The following NFIB variants were observed in gnomAD, a reference collection of about 807,000 sequenced individuals.
The protein encoded by NFIB is nuclear factor I B.
NFIB carries 11 observed loss-of-function variants against 61.5 expected under a neutral mutation model. The observed-to-expected ratio is 0.18, with a 90% CI of 0.11 to 0.30. NFIB has a LOEUF of 0.30. NFIB is among the 10% of genes least tolerant of loss of function. NFIB has a pLI of 1.00. For missense variants in NFIB, 471 were observed against 608.9 expected (o/e 0.77, Z 2.38); for synonymous variants, 260 against 216.5 (o/e 1.20, Z -1.76).
chr9:14,322,740 G>C (rs1264243084), intron 1 of NFIB, among the ~76,000 whole-genome samples: 2 of 151,806 alleles, frequency 1.3e-5, no homozygotes, highest in African/African-American at 4.9e-5. Context: ...GAGCGGGCCC[G>C]AGTGGGTGTG....
the NFIB span, among the ~76,000 whole-genome samples, chr9:14,447,107 T>C: frequency 6.6e-6 from 1 of 152,310 alleles, no homozygotes; most frequent in South Asian, 2.1e-4. Context: ...ATAGGTTCAA[T>C]GTAGTTCTTT....
In NFIB at chr9:14,246,316, C is replaced by A. The variant is rs563449191; in HGVS notation, c.562+60673G>T. 2.0e-5 allele frequency among the ~76,000 whole-genome samples: 3 copies of A among 152,278 alleles called. No individual in the cohort carries two copies. The South Asian group carries it at 6.2e-4, about 32-fold the overall frequency. ...CCGACCCATTAGATGGGAGGAAGCT[C>A]CCACTGCTCTCCACATCCCTTTGTC... On this transcript the variant is annotated intron_variant, in intron 2 of 10. Transcript: ENST00000380953.
At chr9:14,415,410 G>A in the NFIB span, among the ~76,000 whole-genome samples, 3 of 152,162 alleles carry the variant, frequency 2.0e-5, no homozygotes. Context: ...ATAATCACAT[G>A]AATGACATCC....
chr9:14,250,314 C>T (rs1305963185), intron 2 of NFIB, among the ~76,000 whole-genome samples: 1 of 151,990 alleles, frequency 6.6e-6, no homozygotes, highest in African/African-American at 2.4e-5. Context: ...AATAATGTCC[C>T]CAGGTAGCTA....
At chr9:14,242,466 G>A (rs1563937029) in intron 2 of NFIB, among the ~76,000 whole-genome samples, 1 of 152,128 alleles carries the variant, frequency 6.6e-6, no homozygotes, top group Non-Finnish European at 1.5e-5. Flanking sequence ...CTCTCCCCTT[G>A]TTCTATACAT....
intron 2 of NFIB, among the ~76,000 whole-genome samples, chr9:14,218,688 T>C (rs1411436147): frequency 6.6e-6 from 1 of 152,196 alleles, no homozygotes; most frequent in Non-Finnish European, 1.5e-5. Flanking sequence ...CCAGATTTGG[T>C]TGGGGGTTTG....
At chr9:14,343,102 T>G (rs1247946504) in intron 1 of NFIB, among the ~76,000 whole-genome samples, 1 of 152,202 alleles carries the variant, frequency 6.6e-6, no homozygotes, top group African/African-American at 2.4e-5. Flanking sequence ...GCCAACCCTG[T>G]ACCACCTGAC....
intron 1 of NFIB, among the ~76,000 whole-genome samples, chr9:14,312,700 A>T (rs1055058483): frequency 6.6e-6 from 1 of 152,170 alleles, no homozygotes; most frequent in East Asian, 1.9e-4. Flanking sequence ...GACAATTCTC[A>T]AAGTCGAAAA....
chr9:14,271,926 G>A (rs1389818516), intron 2 of NFIB, among the ~76,000 whole-genome samples: 2 of 152,038 alleles, frequency 1.3e-5, no homozygotes, highest in Non-Finnish European at 2.9e-5. Context: ...TATTTTAAGG[G>A]TGCTAATAAC....
chr9:14,262,794 GTTTT>G (rs1168581874), intron 2 of NFIB, among the ~76,000 whole-genome samples: 2 of 151,488 alleles, frequency 1.3e-5, no homozygotes, highest in Admixed American at 1.3e-4. Context: ...TTGTTTGTTT[GTTTT>G]TTGTTGTTGT....
intron 3 of NFIB, among the ~76,000 whole-genome samples, chr9:14,174,788 G>C (rs2045972279): frequency 6.7e-6 from 1 of 148,792 alleles, no homozygotes; most frequent in African/African-American, 2.5e-5. Flanking sequence ...AAAAAAAAGT[G>C]AATGAAATAT....
Position 14,108,006 on chromosome 9 carries a change from C to T in NFIB, c.1467+4993G>A, listed in dbSNP as rs73409972. On this transcript the variant is annotated intron_variant, in intron 10 of 10. Transcript: ENST00000380953. ...GGTAAGTGAACAAACCAGGGAATGA[C>T]AAAAGACAGACAATGGAAGGATTTT... Among the ~76,000 whole-genome samples, 575 of 152,170 alleles carry T rather than the reference C, an allele frequency of 3.8e-3. 2 individuals carry two copies. The highest frequency in any genetic ancestry group is 0.013 in the African/African-American group (547 of 41,530).
the NFIB span, among the ~76,000 whole-genome samples, chr9:14,488,309 G>A: frequency 6.6e-6 from 1 of 151,094 alleles, no homozygotes; most frequent in South Asian, 2.1e-4. Flanking sequence ...GCTTCGGTGA[G>A]CCATGATCAC....
the NFIB span, among the ~76,000 whole-genome samples, chr9:14,529,940 G>A: frequency 6.6e-6 from 1 of 152,134 alleles, no homozygotes; most frequent in Admixed American, 6.6e-5. Flanking sequence ...AATATTCACA[G>A]CCTACTTCTC....
At chr9:14,157,476 C>T (rs1216799480) in intron 3 of NFIB, among the ~76,000 whole-genome samples, 2 of 152,172 alleles carry the variant, frequency 1.3e-5, no homozygotes, top group African/African-American at 4.8e-5. Flanking sequence ...GGGAATAAAA[C>T]AGGTGCCACA....
intron 2 of NFIB, among the ~76,000 whole-genome samples, chr9:14,235,337 C>T (rs2053636017): frequency 6.6e-6 from 1 of 152,198 alleles, no homozygotes; most frequent in Non-Finnish European, 1.5e-5. Flanking sequence ...TTGCCAGCCC[C>T]GACCTTGTTC....
rs190829189 is a variant in NFIB at position 14,347,468 on chromosome 9, C to A, written c.109-39948G>T. 275 of 152,526 alleles carry A rather than the reference C, an allele frequency of 1.8e-3. 2 individuals carry two copies. The highest frequency in any genetic ancestry group is 8.2e-4 in the Non-Finnish European group (56 of 68,136). The allele number at this position is 152,526 out of a possible 1,614,324, so 9.4% of individuals were successfully genotyped here. ...GCCAGCTGGGGCAAACTTGAGCTGG[C>A]AAAGCGCGAGAAAACTTTTCTTTGG... On this transcript the variant is annotated intron_variant, in intron 1 of 8. Transcript: ENST00000380934.
intron 2 of NFIB, among the ~76,000 whole-genome samples, chr9:14,253,175 G>C (rs1191832721): frequency 6.6e-6 from 1 of 152,132 alleles, no homozygotes; most frequent in Non-Finnish European, 1.5e-5. Flanking sequence ...GATGGTTACA[G>C]CTCATCTTTG....
intron 5 of NFIB, among the ~76,000 whole-genome samples, chr9:14,147,904 A>C (rs1024087908): frequency 2.6e-5 from 4 of 152,012 alleles, no homozygotes; most frequent in African/African-American, 9.7e-5. Context: ...AGCCTCCCAA[A>C]GTGCTGGGAT....
Sources: gnomAD v4.1 joint callset for allele counts (sites outside exome capture counted in the v4.1 genomes callset) on GRCh38, gnomAD v4.1.1 for gene constraint, MANE v1.5 for transcripts, NCBI Gene and HGNC (gene_info 2026-07-23, HGNC 2026-07-21) for gene names.